Variants in SS18L1 observed in about 807,000 individuals in gnomAD.
SS18L1 encodes the protein SS18L1 subunit of BAF chromatin remodeling complex, also known as calcium-responsive transactivator.
In SS18L1, 32 loss-of-function variants were observed where a neutral mutation model predicts 70.3. The ratio of observed to expected loss-of-function variants is 0.46; its 90% CI spans 0.34 to 0.61. The LOEUF is 0.61. Among genes scored for constraint, SS18L1 ranks in the 20% least tolerant of loss-of-function variants. The pLI is 0.01. For synonymous variants in SS18L1, 237 were observed against 229.7 expected (o/e 1.03, Z -0.29); for missense variants, 430 against 542.1 (o/e 0.79, Z 2.05).
At chr20:62,173,340 GGTT>G (rs2057565653) in intron 9 of SS18L1, among the ~76,000 whole-genome samples, 1 of 126,532 alleles carries the variant, frequency 7.9e-6, no homozygotes, top group South Asian at 3.2e-4. Context: ...CCACACACGT[GGTT>G]TCTTATGAGG....
At chr20:62,147,031 C>T (rs961451266) in intron 1 of SS18L1, among the ~76,000 whole-genome samples, 41 of 152,188 alleles carry the variant, frequency 2.7e-4, no homozygotes, top group African/African-American at 9.7e-4. Context: ...ATTTCCAGTA[C>T]CTCCCATGCG....
chr20:62,148,192 C>A (rs113267024), intron 1 of SS18L1, among the ~76,000 whole-genome samples: 1 of 152,244 alleles, frequency 6.6e-6, no homozygotes, highest in Non-Finnish European at 1.5e-5. Context: ...GGCTCAGCCC[C>A]GGGGAGGGAC....
chr20:62,176,115 C>T (rs569968832), intron 10 of SS18L1, among the ~76,000 whole-genome samples: 2 of 152,362 alleles, frequency 1.3e-5, no homozygotes, highest in South Asian at 4.1e-4. Flanking sequence ...GACGCCATAC[C>T]TCCTTCATAC....
At chr20:62,152,391 G>A (rs1213979404) in intron 1 of SS18L1, among the ~76,000 whole-genome samples, 1 of 152,194 alleles carries the variant, frequency 6.6e-6, no homozygotes, top group Non-Finnish European at 1.5e-5. Flanking sequence ...CCTCCAGATG[G>A]AGTTGCCACC....
At chr20:62,151,475 C>A (rs1419174702) in intron 1 of SS18L1, among the ~76,000 whole-genome samples, 1 of 152,198 alleles carries the variant, frequency 6.6e-6, no homozygotes, top group Admixed American at 6.5e-5. Context: ...GCCAGCCTGA[C>A]CAACAGAGAC....
rs1459933688 is a variant in SS18L1, at chr20:62,151,939, C to G, written c.70-6733C>G. 4.3e-3 allele frequency among the ~76,000 whole-genome samples: 578 copies of G among 135,374 alleles called. 4 individuals carry two copies. Among genetic ancestry groups the G allele is most frequent in the African/African-American group, 5.0e-3 (171 of 33,868 alleles). 88.8% of individuals were successfully genotyped at this position (135,374 alleles called of 152,430 possible). A position where few individuals can be genotyped will look rare whatever the true frequency, so the allele number is the denominator to read the frequency against. ...CCTCCCCCGTTCTCCTCTTTTCCCT[C>G]TCCCCAGAGCTGGCCTCCCCCGTTC... On this transcript the variant is annotated intron_variant, in intron 1 of 10. Transcript: ENST00000331758.
At position 62,158,761 on chromosome 20, in the gene SS18L1, C is replaced by G; in HGVS notation, c.146+13C>G. ...CCGAGTGCACGCAGTGAGTGCCCGC[C>G]ATACACCGGAACACTTGGAGGGTGT... On this transcript the variant is annotated intron_variant, in intron 2 of 10. Transcript: ENST00000331758. The surrounding 1 kb of genome is among the most constrained non-coding windows in gnomAD (Gnocchi z 4.5). 6.2e-7 allele frequency: 1 copy of G among 1,613,032 alleles called. No homozygotes were observed. Among genetic ancestry groups the G allele is most frequent in the South Asian group, 1.1e-5 (1 of 91,088 alleles).
At chr20:62,169,241 C>T (rs1386763015) in intron 8 of SS18L1, among the ~76,000 whole-genome samples, 2 of 152,240 alleles carry the variant, frequency 1.3e-5, no homozygotes, top group African/African-American at 2.4e-5. Context: ...TGGGATGTGC[C>T]TCTGTGAAAA....
At position 62,159,778 on chromosome 20, in the gene SS18L1, A is replaced by T. The variant is rs2057291014; in HGVS notation, c.147-99A>T. 3.4e-6 allele frequency: 4 copies of T among 1,169,724 alleles called. No individual in the cohort carries two copies. The South Asian group carries it at 5.7e-5, about 17-fold the overall frequency. 72.5% of individuals were successfully genotyped at this position (1,169,724 alleles called of 1,614,324 possible). On this transcript the variant is annotated intron_variant, in intron 2 of 10. Transcript: ENST00000331758. This position sits in a 1 kb window ranked among gnomAD's most constrained non-coding sequence, Gnocchi z 4.4. Reference sequence around the variant, plus strand: ...CCATGTCCTCATGGGGTTTGGCTGGATGTCAGGCTGTCTTGTTCACACTTT... The same window carrying T: ...CCATGTCCTCATGGGGTTTGGCTGGTTGTCAGGCTGTCTTGTTCACACTTT...
chr20:62,154,986 G>C (rs2057196889), intron 1 of SS18L1, among the ~76,000 whole-genome samples: 1 of 152,142 alleles, frequency 6.6e-6, no homozygotes, highest in Non-Finnish European at 1.5e-5. Context: ...CACCTCCAGA[G>C]CTCTTCTGCC....
At chr20:62,162,082 G>A (rs887623579) in intron 4 of SS18L1, among the ~76,000 whole-genome samples, 5 of 152,136 alleles carry the variant, frequency 3.3e-5, no homozygotes, top group African/African-American at 1.2e-4. Flanking sequence ...TTAGCCGGGT[G>A]TGATGGTGCA....
At chr20:62,149,409 G>A (rs905522044) in intron 1 of SS18L1, among the ~76,000 whole-genome samples, 5 of 152,214 alleles carry the variant, frequency 3.3e-5, no homozygotes, top group East Asian at 1.9e-4. Flanking sequence ...GATTCTAATC[G>A]GCCACCACAG....
Position 62,146,605 on chromosome 20 carries a change from A to ATTTTTTTTTTTTT in SS18L1, c.69+2725_69+2737dup, listed in dbSNP as rs10673768. Among the ~76,000 whole-genome samples, 14 of 79,720 alleles carry ATTTTTTTTTTTTT rather than the reference A, an allele frequency of 1.8e-4. 1 individual carries two copies. Among genetic ancestry groups the ATTTTTTTTTTTTT allele is most frequent in the Admixed American group, 3.8e-4 (2 of 5,268 alleles). 52.3% of individuals were successfully genotyped at this position (79,720 alleles called of 152,430 possible). A position where few individuals can be genotyped will look rare whatever the true frequency, so the allele number is the denominator to read the frequency against. On this transcript the variant is annotated intron_variant, in intron 1 of 10. Coordinates refer to ENST00000331758, the MANE Select transcript of SS18L1 (RefSeq NM_198935.3). Reference sequence around the variant, plus strand: ...CATCCAGCGTGTCTCTGCTTTGATCATTTTTTTTTTTTTTTTTTTTTGAGA... The same window carrying ATTTTTTTTTTTTT: ...CATCCAGCGTGTCTCTGCTTTGATCATTTTTTTTTTTTTTTTTTTTTTTTTTTTTTTTTTGAGA...
chr20:62,166,534 C>T (rs956274775), intron 8 of SS18L1, among the ~76,000 whole-genome samples: 3 of 152,122 alleles, frequency 2.0e-5, no homozygotes, highest in Admixed American at 6.5e-5. Context: ...AGAAACATCA[C>T]GGTGTGCGCT....
chr20:62,181,991 T>C lies in SS18L1; in HGVS notation c.*2783T>C, dbSNP rs1206056097. On this transcript the variant is annotated 3_prime_UTR_variant, in exon 11 of 11. Transcript: ENST00000331758. ...GTTTTCAGAAGTGCTGACAAATTCA[T>C]ATTGGTATGCAAAAGCTCATCACCC... 4.4e-6 allele frequency: 1 copy of C among 228,700 alleles called. No individual in the cohort carries two copies. Among genetic ancestry groups the C allele is most frequent in the Admixed American group, 5.7e-5 (1 of 17,648 alleles). 14.2% of individuals were successfully genotyped at this position (228,700 alleles called of 1,614,324 possible). A position where few individuals can be genotyped will look rare whatever the true frequency, so the allele number is the denominator to read the frequency against.
chr20:62,167,465 G>A (rs993176784), intron 8 of SS18L1, among the ~76,000 whole-genome samples: 1 of 151,970 alleles, frequency 6.6e-6, no homozygotes, highest in African/African-American at 2.4e-5. Context: ...GGAGGCTGAG[G>A]TGGGAGAATC....
At chr20:62,163,012 C>G (rs2057359636) in intron 5 of SS18L1, 81 bp downstream of exon 5, 6 of 1,525,336 alleles carry the variant, frequency 3.9e-6, no homozygotes, top group South Asian at 3.6e-5. Context: ...GACATGTGGT[C>G]CCGGGGAAGC....
rs2057700900 is a variant in SS18L1 at position 62,181,164 on chromosome 20, GA to G, written c.*1958del. The G allele has an allele frequency of 5.1e-6, 1 of 195,530 alleles. No homozygotes were observed. The highest frequency in any genetic ancestry group is 1.9e-4 in the South Asian group (1 of 5,200). 12.1% of individuals were successfully genotyped at this position (195,530 alleles called of 1,614,324 possible). On this transcript the variant is annotated 3_prime_UTR_variant, in exon 11 of 11. Coordinates refer to ENST00000331758, the MANE Select transcript of SS18L1 (RefSeq NM_198935.3). The stretch of plus-strand genomic sequence containing the variant: ...CGGATGTCACGCACAAATGGGGAGA[GA>G]AGTGTTTATTTTGTAGGCACTAAGG...
chr20:62,171,286 C>T (rs1407585696), intron 8 of SS18L1, among the ~76,000 whole-genome samples: 16 of 152,060 alleles, frequency 1.1e-4, no homozygotes, highest in Admixed American at 9.8e-4. Flanking sequence ...AGCCTGACAC[C>T]CTTGAAAACC....
Sources: allele counts gnomAD v4.1 joint callset (sites outside exome capture counted in the v4.1 genomes callset), GRCh38; gene constraint gnomAD v4.1.1; non-coding constraint Gnocchi (gnomAD v3.1); transcripts MANE v1.5; gene names NCBI Gene and HGNC (gene_info 2026-07-23, HGNC 2026-07-21).